SEPTIN7: variants seen among roughly 807,000 people sequenced by gnomAD.
SEPTIN7 encodes the protein septin-7.
In SEPTIN7, 10 loss-of-function variants were observed where a neutral mutation model predicts 63.3. That is an observed-to-expected ratio of 0.16 (90% CI 0.10 to 0.27). The LOEUF (loss-of-function observed/expected upper bound fraction) is 0.27, where lower values mean the gene tolerates loss of function less well. SEPTIN7 is among the 10% of genes least tolerant of loss of function. SEPTIN7 has a pLI of 1.00. For synonymous variants in SEPTIN7, 131 were observed against 165.3 expected (o/e 0.79, Z 1.59); for missense variants, 310 against 521.0 (o/e 0.59, Z 3.94).
At chr7:35,877,819 G>A (rs1786564914) in intron 6 of SEPTIN7, among the ~76,000 whole-genome samples, 1 of 152,190 alleles carries the variant, frequency 6.6e-6, no homozygotes, top group Admixed American at 6.5e-5. Flanking sequence ...TTGAGATAAG[G>A]CCCTCGCTGT....
chr7:35,857,411 A>G (rs139228203), intron 3 of SEPTIN7, among the ~76,000 whole-genome samples: 103 of 152,292 alleles, frequency 6.8e-4, no homozygotes, highest in African/African-American at 2.4e-3. Flanking sequence ...AAACCTAATC[A>G]TTTATCTTTA....
At chr7:35,848,896 C>G (rs772292912) in intron 3 of SEPTIN7, among the ~76,000 whole-genome samples, 2 of 152,116 alleles carry the variant, frequency 1.3e-5, no homozygotes, top group Admixed American at 1.3e-4. Context: ...TCCTAACATA[C>G]CTCTTAGCGC....
At chr7:35,841,524 G>A (rs761382473) in intron 3 of SEPTIN7, among the ~76,000 whole-genome samples, 27 of 152,104 alleles carry the variant, frequency 1.8e-4, no homozygotes, top group Non-Finnish European at 3.5e-4. Flanking sequence ...TAGTATATAG[G>A]CTGAATTAGT....
intron 6 of SEPTIN7, among the ~76,000 whole-genome samples, chr7:35,878,757 C>G (rs77840754): frequency 6.6e-6 from 1 of 152,050 alleles, no homozygotes; most frequent in Admixed American, 6.5e-5. Context: ...ATGCCATTCA[C>G]TGAGATAGGA....
chr7:35,899,958 TAGTA>T (rs1788213366), intron 12 of SEPTIN7: 1 of 152,212 alleles, frequency 6.6e-6, no homozygotes, highest in Non-Finnish European at 1.5e-5. Flanking sequence ...TGATAAAATT[TAGTA>T]AGATCCCTGT....
At chr7:35,882,597 A>G in intron 8 of SEPTIN7, 21 bp downstream of exon 8, 1 of 1,345,336 alleles carries the variant, frequency 7.4e-7, no homozygotes. Context: ...CCCTGTACAC[A>G]CGCTAAAGTA....
chr7:35,830,178 G>C (rs979899206), intron 1 of SEPTIN7, among the ~76,000 whole-genome samples: 1 of 149,486 alleles, frequency 6.7e-6, no homozygotes, highest in African/African-American at 2.5e-5. Context: ...GTGAAATTCT[G>C]TCTCAAAAAA....
chr7:35,871,105 T>C (rs148542163), intron 4 of SEPTIN7, among the ~76,000 whole-genome samples: 1,988 of 152,314 alleles, frequency 0.013, 49 homozygotes, highest in African/African-American at 0.046. Context: ...ATATTCAGAT[T>C]GCCAATAGTA....
At chr7:35,881,739 A>G (rs186173420) in intron 7 of SEPTIN7, among the ~76,000 whole-genome samples, 2 of 151,924 alleles carry the variant, frequency 1.3e-5, no homozygotes, top group Non-Finnish European at 2.9e-5. Context: ...TATGGGTTCA[A>G]ATAAGGATAG....
At chr7:35,858,119 A>AT (rs1396784000) in intron 3 of SEPTIN7, among the ~76,000 whole-genome samples, 1 of 151,274 alleles carries the variant, frequency 6.6e-6, no homozygotes, top group African/African-American at 2.4e-5. Flanking sequence ...ATGTTTTTGT[A>AT]TTTTTAATAG....
At position 35,801,099 on chromosome 7, in the gene SEPTIN7, G is replaced by C; in HGVS notation, c.-111G>C. 1.2e-6 allele frequency: 1 copy of C among 803,636 alleles called. No individual in the cohort carries two copies. The highest frequency in any genetic ancestry group is 1.8e-6 in the Non-Finnish European group (1 of 543,324). 49.8% of individuals were successfully genotyped at this position (803,636 alleles called of 1,614,324 possible). A position where few individuals can be genotyped will look rare whatever the true frequency, so the allele number is the denominator to read the frequency against. On this transcript the variant is annotated 5_prime_UTR_variant, in exon 1 of 14. Coordinates refer to ENST00000350320, the MANE Select transcript of SEPTIN7 (RefSeq NM_001788.6). ...TGGAGGAGTCCGCCTGCTGTAGCGT[G>C]CGTAAGCAAGGCAGCTACGCCGGGC...
chr7:35,889,758 G>A (rs1381579673), intron 10 of SEPTIN7, among the ~76,000 whole-genome samples: 2 of 152,144 alleles, frequency 1.3e-5, no homozygotes, highest in African/African-American at 4.8e-5. Flanking sequence ...TGGCCAGGCT[G>A]GTCTCGAACC....
At chr7:35,814,173 T>C (rs538290818) in intron 1 of SEPTIN7, among the ~76,000 whole-genome samples, 2 of 152,180 alleles carry the variant, frequency 1.3e-5, no homozygotes, top group Non-Finnish European at 1.5e-5. Flanking sequence ...ATATGGTAGA[T>C]GTATGTTTAA....
chr7:35,813,204 CAAAT>C (rs900797850), intron 1 of SEPTIN7, among the ~76,000 whole-genome samples: 1 of 152,156 alleles, frequency 6.6e-6, no homozygotes, highest in African/African-American at 2.4e-5. Context: ...CGCCTGAACA[CAAAT>C]AAGTTACAGC....
At chr7:35,887,265 A>G (rs1787317401) in intron 10 of SEPTIN7, among the ~76,000 whole-genome samples, 1 of 152,244 alleles carries the variant, frequency 6.6e-6, no homozygotes, top group Admixed American at 6.5e-5. Context: ...GGCATTCTAT[A>G]ACTTTTTCTT....
intron 6 of SEPTIN7, among the ~76,000 whole-genome samples, chr7:35,879,344 CATG>C (rs1284382341): frequency 6.6e-6 from 1 of 151,922 alleles, no homozygotes; most frequent in Non-Finnish European, 1.5e-5. Flanking sequence ...ATTAGGCAGG[CATG>C]GTGGTGTGCA....
upstream of SEPTIN7, chr7:35,801,013 C>G (rs1021832448): frequency 1.1e-5 from 5 of 453,558 alleles, no homozygotes; most frequent in East Asian, 1.8e-4. Context: ...CCGCTAGGCC[C>G]GGAAGCCTCG....
In SEPTIN7 at chr7:35,907,022, T is replaced by C. The variant is rs932929343; in HGVS notation, c.*2729T>C. On this transcript the variant is annotated 3_prime_UTR_variant, in exon 14 of 14. Coordinates refer to ENST00000350320, the MANE Select transcript of SEPTIN7 (RefSeq NM_001788.6). ...AATTATATGTATTGAACAATGAAAA[T>C]ATGTGTCAACAAATGTACTGCTACA... 1.3e-5 allele frequency: 2 copies of C among 152,186 alleles called. No individual in the cohort carries two copies. Among genetic ancestry groups the C allele is most frequent in the African/African-American group, 4.8e-5 (2 of 41,426 alleles). The allele number at this position is 152,186 out of a possible 1,614,324, so 9.4% of individuals were successfully genotyped here.
At position 35,882,477 on chromosome 7, in the gene SEPTIN7, A is replaced by G. The variant is rs751970630; in HGVS notation, c.631-7A>G. ...TGCTCTTTTGCTGACTACTTCTTCCATTTTAGATAATGAAAGAAATCCAAG... is the reference window on the plus strand; with the variant it reads ...TGCTCTTTTGCTGACTACTTCTTCCGTTTTAGATAATGAAAGAAATCCAAG... On this transcript the variant is annotated splice_region_variant and splice_polypyrimidine_tract_variant and intron_variant, in intron 7 of 13. Transcript: ENST00000350320. The G allele has an allele frequency of 9.6e-6, 14 of 1,454,708 alleles. No individual in the cohort carries two copies. The highest frequency in any genetic ancestry group is 1.2e-5 in the Non-Finnish European group (13 of 1,088,262). The allele number at this position is 1,454,708 out of a possible 1,614,324, so 90.1% of individuals were successfully genotyped here.
Sources: allele counts gnomAD v4.1 joint callset (sites outside exome capture counted in the v4.1 genomes callset), GRCh38; gene constraint gnomAD v4.1.1; transcripts MANE v1.5; gene names NCBI Gene and HGNC (gene_info 2026-07-23, HGNC 2026-07-21).